The following ST6GALNAC3 variants were observed in gnomAD, a reference collection of about 807,000 sequenced individuals.
The protein encoded by ST6GALNAC3 is alpha-N-acetylgalactosaminide alpha-2,6-sialyltransferase 3.
Under a neutral mutation model 32.7 loss-of-function variants are expected in ST6GALNAC3, and 25 were observed. The ratio of observed to expected loss-of-function variants is 0.76; its 90% confidence interval spans 0.56 to 1.07. The LOEUF is 1.07. ST6GALNAC3 is among the 50% of genes least tolerant of loss of function. The pLI, the probability that ST6GALNAC3 is intolerant of heterozygous loss-of-function variation, is 0.00. For missense variants in ST6GALNAC3, 355 were observed against 382.4 expected (o/e 0.93, Z 0.60); for synonymous variants, 129 against 133.1 (o/e 0.97, Z 0.21).
chr1:76,548,338 G>A (rs1384246088), intron 3 of ST6GALNAC3, among the ~76,000 whole-genome samples: 1 of 152,180 alleles, frequency 6.6e-6, no homozygotes, highest in African/African-American at 2.4e-5. Context: ...CAGGCCAGTA[G>A]ATATTAATTC....
At chr1:76,601,979 C>T (rs984382326) in intron 3 of ST6GALNAC3, among the ~76,000 whole-genome samples, 1 of 152,076 alleles carries the variant, frequency 6.6e-6, no homozygotes, top group African/African-American at 2.4e-5. Context: ...GTAGCAAATG[C>T]AGACAAGTTC....
chr1:76,152,866 T>C (rs1277839794), intron 1 of ST6GALNAC3, among the ~76,000 whole-genome samples: 1 of 152,202 alleles, frequency 6.6e-6, no homozygotes, highest in African/African-American at 2.4e-5. Flanking sequence ...AGATGCCTTT[T>C]GGTGGTTGAA....
intron 1 of ST6GALNAC3, among the ~76,000 whole-genome samples, chr1:76,273,898 T>C (rs901397333): frequency 2.6e-5 from 4 of 152,206 alleles, no homozygotes; most frequent in Non-Finnish European, 5.9e-5. Flanking sequence ...CTCCTGTGCT[T>C]TATGGGAGTC....
At chr1:76,552,277 G>A (rs1382163861) in intron 3 of ST6GALNAC3, among the ~76,000 whole-genome samples, 1 of 152,142 alleles carries the variant, frequency 6.6e-6, no homozygotes. Context: ...GTGGGAATGT[G>A]GACCACTGAG....
chr1:76,569,659 C>T (rs1202802058), intron 3 of ST6GALNAC3, among the ~76,000 whole-genome samples: 1 of 152,060 alleles, frequency 6.6e-6, no homozygotes, highest in Non-Finnish European at 1.5e-5. Context: ...CAATTAAGAT[C>T]TCGTAGGACA....
chr1:76,609,398 A>G (rs2100660767), intron 3 of ST6GALNAC3, among the ~76,000 whole-genome samples: 1 of 152,244 alleles, frequency 6.6e-6, no homozygotes, highest in Non-Finnish European at 1.5e-5. Context: ...GGTGTTTTTT[A>G]TTAGGTGTTA....
chr1:76,099,959 T>G (rs935179002), intron 1 of ST6GALNAC3, among the ~76,000 whole-genome samples: 2 of 152,118 alleles, frequency 1.3e-5, no homozygotes, highest in Admixed American at 1.3e-4. Context: ...TATGTAGAAA[T>G]TTTTCATATT....
chr1:76,182,251 C>T lies in ST6GALNAC3; in HGVS notation c.18+107367C>T, dbSNP rs540926082. Among the ~76,000 whole-genome samples the T allele has an allele frequency of 5.1e-4, 77 of 152,288 alleles. 1 individual carries two copies. Among genetic ancestry groups the T allele is most frequent in the Non-Finnish European group, 8.8e-4 (60 of 68,012 alleles). On this transcript the variant is annotated intron_variant, in intron 1 of 4. Transcript: ENST00000328299. ...CATTTGATTATCAGCAACCATTTGTCCAATCAGCACCCAAATGCAGTGTAC... is the reference window on the plus strand; with the variant it reads ...CATTTGATTATCAGCAACCATTTGTTCAATCAGCACCCAAATGCAGTGTAC...
chr1:76,538,289 T>G (rs1277351099), intron 3 of ST6GALNAC3, among the ~76,000 whole-genome samples: 4 of 152,260 alleles, frequency 2.6e-5, no homozygotes, highest in Middle Eastern at 3.4e-3. Flanking sequence ...TCTCAATAGA[T>G]GGAGAAAAGG....
chr1:76,325,274 A>G (rs1287638471), intron 2 of ST6GALNAC3, among the ~76,000 whole-genome samples: 1 of 152,232 alleles, frequency 6.6e-6, no homozygotes, highest in Non-Finnish European at 1.5e-5. Flanking sequence ...TGTATTTAAT[A>G]CAATAAATAT....
At chr1:76,270,466 C>T (rs892045928) in intron 1 of ST6GALNAC3, among the ~76,000 whole-genome samples, 4 of 145,844 alleles carry the variant, frequency 2.7e-5, no homozygotes, top group African/African-American at 1.0e-4. Flanking sequence ...GAGATCGCAC[C>T]ACTGCACTCC....
intron 3 of ST6GALNAC3, among the ~76,000 whole-genome samples, chr1:76,528,292 C>G (rs760669164): frequency 6.6e-6 from 1 of 152,126 alleles, no homozygotes; most frequent in Non-Finnish European, 1.5e-5. Flanking sequence ...GAGGTAGGCT[C>G]TGGGGCTATC....
intron 3 of ST6GALNAC3, among the ~76,000 whole-genome samples, chr1:76,552,593 A>C (rs366469): frequency 0.13 from 19,856 of 152,076 alleles, 1,374 homozygotes; most frequent in East Asian, 0.2. Context: ...TATGTTGATC[A>C]TGTATCTGGC....
At chr1:76,097,452 G>A (rs6702596) in intron 1 of ST6GALNAC3, among the ~76,000 whole-genome samples, 7,635 of 152,042 alleles carry the variant, frequency 0.05, 665 homozygotes, top group African/African-American at 0.18. Flanking sequence ...ACTTCTCTTC[G>A]CTGCTGCCAT....
chr1:76,440,709 A>G (rs1656514517), intron 3 of ST6GALNAC3, among the ~76,000 whole-genome samples: 1 of 152,200 alleles, frequency 6.6e-6, no homozygotes, highest in African/African-American at 2.4e-5. Context: ...ACTTGTTTTT[A>G]TCATGAGAGT....
chr1:76,494,715 G>A (rs900374312), intron 3 of ST6GALNAC3, among the ~76,000 whole-genome samples: 15 of 125,308 alleles, frequency 1.2e-4, no homozygotes, highest in Non-Finnish European at 1.6e-4. Flanking sequence ...ACCCTTGGCC[G>A]AAGCATGAAA....
At chr1:76,485,674 C>T (rs1160382244) in intron 3 of ST6GALNAC3, among the ~76,000 whole-genome samples, 4 of 152,162 alleles carry the variant, frequency 2.6e-5, no homozygotes, top group African/African-American at 7.2e-5. Flanking sequence ...AAAAAACTAG[C>T]TCCTGGATTC....
intron 3 of ST6GALNAC3, among the ~76,000 whole-genome samples, chr1:76,580,493 C>G (rs566523708): frequency 3.3e-5 from 5 of 152,244 alleles, no homozygotes; most frequent in African/African-American, 1.2e-4. Context: ...TGCCAGAACA[C>G]ATTAGTTTTC....
chr1:76,271,454 C>T (rs1658840308), intron 1 of ST6GALNAC3, among the ~76,000 whole-genome samples: 2 of 152,336 alleles, frequency 1.3e-5, no homozygotes, highest in South Asian at 4.1e-4. Context: ...ATAGTAACCA[C>T]TAAGCAAAAT....
Sources: allele counts gnomAD v4.1 joint callset (sites outside exome capture counted in the v4.1 genomes callset), GRCh38; gene constraint gnomAD v4.1.1; transcripts MANE v1.5; gene names NCBI Gene and HGNC (gene_info 2026-07-23, HGNC 2026-07-21).